Variants in DCTN4 observed in about 807,000 individuals in gnomAD.
DCTN4 encodes the protein dynactin 4 (p62).
In DCTN4, 23 loss-of-function variants were observed where a neutral mutation model predicts 62.7. The ratio of observed to expected loss-of-function variants is 0.37; its 90% CI spans 0.26 to 0.52. The LOEUF (loss-of-function observed/expected upper bound fraction) is 0.52. DCTN4 is among the 20% of genes least tolerant of loss of function. The pLI, the probability that DCTN4 is intolerant of heterozygous loss-of-function variation, is 0.92. For synonymous variants in DCTN4, 199 were observed against 202.1 expected, an observed-to-expected ratio of 0.98 and a Z score of 0.13; for missense variants, 514 against 580.4, an observed-to-expected ratio of 0.89 and a Z score of 1.18.
intron 8 of DCTN4, among the ~76,000 whole-genome samples, chr5:150,728,592 T>G (rs777607806): frequency 6.6e-6 from 1 of 152,240 alleles, no homozygotes; most frequent in Non-Finnish European, 1.5e-5. Context: ...CACATGACTT[T>G]AGACGGTTAT....
intron 3 of DCTN4, among the ~76,000 whole-genome samples, chr5:150,748,442 T>C (rs928615161): frequency 6.6e-6 from 1 of 152,130 alleles, no homozygotes; most frequent in African/African-American, 2.4e-5. Context: ...ACTGGGTATA[T>C]ACCCAAAGAA....
At chr5:150,711,656 C>G (rs538406674) in intron 12 of DCTN4, among the ~76,000 whole-genome samples, 65 of 152,090 alleles carry the variant, frequency 4.3e-4, no homozygotes, top group Non-Finnish European at 7.6e-4. Flanking sequence ...CAGGCATGCA[C>G]CACCACACCT....
In DCTN4 at chr5:150,711,136, C is replaced by T. The variant is rs1245447027; in HGVS notation, c.*13G>A. Reference sequence around the variant, plus strand: ...GATACTGTCCTTTGGGATCTGCCCTCCAGTGGAACCTTTTAAGGAAGAAGT... The same window carrying T: ...GATACTGTCCTTTGGGATCTGCCCTTCAGTGGAACCTTTTAAGGAAGAAGT... On this transcript the variant is annotated 3_prime_UTR_variant, in exon 13 of 13. Transcript: ENST00000447998. The T allele has an allele frequency of 2.5e-6, 4 of 1,611,326 alleles. No individual in the cohort carries two copies. The highest frequency in any genetic ancestry group is 3.4e-6 in the Non-Finnish European group (4 of 1,179,184).
intron 3 of DCTN4, among the ~76,000 whole-genome samples, chr5:150,749,208 T>C (rs1752578470): frequency 6.6e-6 from 1 of 152,148 alleles, no homozygotes; most frequent in South Asian, 2.1e-4. Context: ...AAAACATATA[T>C]TCAACAATGG....
chr5:150,747,261 T>G (rs1393296061), intron 3 of DCTN4, among the ~76,000 whole-genome samples: 2 of 152,164 alleles, frequency 1.3e-5, no homozygotes, highest in Non-Finnish European at 2.9e-5. Flanking sequence ...CGAGGAGAAC[T>G]ACAAACCACT....
At chr5:150,719,835 A>C in intron 9 of DCTN4, 65 bp from the exon 10 acceptor site, 1 of 1,051,994 alleles carries the variant, frequency 9.5e-7, no homozygotes, top group South Asian at 1.4e-5. Flanking sequence ...ATTATTTTTT[A>C]AAGCTAGTGC....
At chr5:150,758,489 T>C (rs2113169076) in intron 1 of DCTN4, 2 of 997,900 alleles carry the variant, frequency 2.0e-6, no homozygotes, top group South Asian at 8.3e-5. Context: ...TGCGCCTCCC[T>C]CCATCCTCGC....
chr5:150,724,005 C>T (rs545052454), intron 8 of DCTN4, among the ~76,000 whole-genome samples: 2 of 152,172 alleles, frequency 1.3e-5, no homozygotes, highest in Admixed American at 6.5e-5. Flanking sequence ...AGTAATGCAG[C>T]GATGAGTGTT....
chr5:150,719,618 T>C (rs2151473113), intron 10 of DCTN4, 98 bp downstream of exon 10: 3 of 850,174 alleles, frequency 3.5e-6, no homozygotes, highest in South Asian at 1.5e-5. Flanking sequence ...CCTTGCTCAC[T>C]GGATCCTGTG....
chr5:150,727,323 G>A (rs1199441341), intron 8 of DCTN4, among the ~76,000 whole-genome samples: 1 of 152,058 alleles, frequency 6.6e-6, no homozygotes, highest in African/African-American at 2.4e-5. Context: ...ATTTTACAGT[G>A]CTTAATGTGA....
rs754641920 is a variant in DCTN4 at position 150,741,164 on chromosome 5, CAAA to C, written c.429+947_429+949del. On this transcript the variant is annotated intron_variant, in intron 4 of 12. Transcript: ENST00000447998. ...TGGGTGACAGAGTGAGATCCTGTCT[CAAA>C]AAAAAAAAAAAAAAAAAAGTTCAAA... is the stretch of plus-strand genomic sequence containing the variant. 6.9e-3 allele frequency among the ~76,000 whole-genome samples: 402 copies of C among 58,334 alleles called. 4 individuals carry two copies. The highest frequency in any genetic ancestry group is 0.019 in the African/African-American group (358 of 18,392). 38.3% of individuals were successfully genotyped at this position (58,334 alleles called of 152,430 possible).
At chr5:150,718,228 A>C in intron 11 of DCTN4, 48 bp downstream of exon 11, 2 of 1,295,382 alleles carry the variant, frequency 1.5e-6, no homozygotes, top group Non-Finnish European at 2.2e-6. Flanking sequence ...AAATGAGGAC[A>C]CTCCAGGGAA....
At chr5:150,731,275 G>A (rs1561697747) in intron 6 of DCTN4, 119 bp from the exon 7 acceptor site, 1 of 970,960 alleles carries the variant, frequency 1.0e-6, no homozygotes, top group African/African-American at 1.6e-5. Context: ...TAGAATATCT[G>A]TATAGCGTAG....
rs185351034 is a variant in DCTN4 at position 150,757,633 on chromosome 5, C to T, written c.136-1146G>A. Among the ~76,000 whole-genome samples the T allele has an allele frequency of 3.3e-3, 505 of 152,224 alleles. 2 individuals are homozygous for T. The highest frequency in any genetic ancestry group is 0.011 in the African/African-American group (454 of 41,528). On this transcript the variant is annotated intron_variant, in intron 1 of 12. Transcript: ENST00000447998. The stretch of plus-strand genomic sequence containing the variant: ...AATAGGGAATCATCAAGGAGATACA[C>T]ATAAGGAAAGTGCTAATGGAGATGA...
chr5:150,737,337 T>C (rs1041185740), intron 4 of DCTN4, among the ~76,000 whole-genome samples: 2 of 152,164 alleles, frequency 1.3e-5, no homozygotes, highest in East Asian at 1.9e-4. Flanking sequence ...GCACATAGAA[T>C]ATTCTCTAAG....
rs117071618 is a variant in DCTN4 at position 150,736,421 on chromosome 5, C to T, written c.430-2946G>A. 9.8e-5 allele frequency: 15 copies of T among 152,324 alleles called. No individual in the cohort carries two copies. The East Asian group carries it at 2.9e-3, about 29-fold the overall frequency. The allele number at this position is 152,324 out of a possible 1,614,324, so 9.4% of individuals were successfully genotyped here. ...GTTAACAGCAGATTTCTTGGCGAAACCCTACAAGCTAGAAGGGACTGGGGT... is the reference window on the plus strand; with the variant it reads ...GTTAACAGCAGATTTCTTGGCGAAATCCTACAAGCTAGAAGGGACTGGGGT... On this transcript the variant is annotated intron_variant, in intron 4 of 12. Transcript: ENST00000447998.
In DCTN4 at chr5:150,742,127, G is replaced by C. The variant is rs754407561; in HGVS notation, c.416C>G (p.Pro139Arg). 1.2e-5 allele frequency: 20 copies of C among 1,613,946 alleles called. No individual in the cohort carries two copies. Among genetic ancestry groups the C allele is most frequent in the Non-Finnish European group, 1.4e-5 (16 of 1,179,910 alleles). ...CCCTTTACTTACCCGTTGTGTGTGA[G>C]GATTTTCAGGTTCCTGCCAACCGCC... The part of the protein sequence containing the change: ...ASGGWQEPEN[P>R]HTQRMNKLIE... Residue 139 changes from proline to arginine, a missense_variant, in exon 4 of 13, where the codon CCT becomes CGT. Transcript: ENST00000447998.
intron 3 of DCTN4, 70 bp downstream of exon 3, chr5:150,753,409 A>AT: frequency 7.0e-7 from 1 of 1,428,326 alleles, no homozygotes; most frequent in Non-Finnish European, 9.7e-7. Flanking sequence ...GGTTACAGAA[A>AT]TAATAATCTA....
chr5:150,740,931 T>C (rs987549001), intron 4 of DCTN4, among the ~76,000 whole-genome samples: 8 of 152,288 alleles, frequency 5.3e-5, no homozygotes, highest in Middle Eastern at 3.4e-3. Flanking sequence ...GATAAAATAC[T>C]ACACATTAGG....
Sources: gnomAD v4.1 joint callset for allele counts (sites outside exome capture counted in the v4.1 genomes callset) on GRCh38, gnomAD v4.1.1 for gene constraint, MANE v1.5 for transcripts, NCBI Gene and HGNC (gene_info 2026-07-23, HGNC 2026-07-21) for gene names.